The following PCDH17 variants were observed in gnomAD, a reference collection of about 807,000 sequenced individuals.
The protein encoded by PCDH17 is protocadherin-17.
A neutral mutation model predicts 67.7 loss-of-function variants in PCDH17; 21 were observed. The observed-to-expected ratio is 0.31, with a 90% CI of 0.22 to 0.45. PCDH17 has a LOEUF of 0.45. Among genes scored for constraint, PCDH17 ranks in the 20% least tolerant of loss-of-function variants. The probability of loss-of-function intolerance (pLI) is 1.00; values close to 1 mark genes in which losing one functional copy is unlikely to be tolerated. For missense variants in PCDH17, 1,471 were observed against 1,564.8 expected (o/e 0.94, Z 1.01); for synonymous variants, 701 against 656.7 (o/e 1.07, Z -1.03).
intron 3 of PCDH17, among the ~76,000 whole-genome samples, chr13:57,684,286 A>T (rs763157591): frequency 6.6e-6 from 1 of 151,904 alleles, no homozygotes; most frequent in Non-Finnish European, 1.5e-5. Flanking sequence ...TCTATACTTG[A>T]TTACTAAATA....
In PCDH17 at chr13:57,633,402, GTGCC is replaced by G. The variant is rs1566212696; in HGVS notation, c.859_862del (p.Pro287ThrfsTer15). 1 of 1,613,376 alleles carries G rather than the reference GTGCC, an allele frequency of 6.2e-7. No individual in the cohort carries two copies. Among genetic ancestry groups the G allele is most frequent in the East Asian group, 2.2e-5 (1 of 44,854 alleles). On this transcript the variant is annotated frameshift_variant, in exon 1 of 4. Coordinates refer to ENST00000377918, the MANE Select transcript of PCDH17 (RefSeq NM_001040429.3). LOFTEE classifies it high-confidence loss of function. The surrounding 1 kb of genome is among the most constrained non-coding windows in gnomAD (Gnocchi z 6.2). ...AGTGCTCTACTCTTTCAGCAGCTAC[GTGCC>G]TGACCGCGTGCGGGAGCTCTTCTCC...
chr13:57,693,315 CATATATATAT>C (rs59643529), intron 3 of PCDH17, among the ~76,000 whole-genome samples: 14 of 89,360 alleles, frequency 1.6e-4, no homozygotes, highest in African/African-American at 2.2e-4. Context: ...CACTTACATT[CATATATATAT>C]ATATATATAT....
At chr13:57,645,004 G>C (rs1477518868) in intron 1 of PCDH17, among the ~76,000 whole-genome samples, 2 of 151,576 alleles carry the variant, frequency 1.3e-5, no homozygotes, top group Non-Finnish European at 3.0e-5. Context: ...ATGTTGCCTA[G>C]GGATTTTAAA....
intron 1 of PCDH17, among the ~76,000 whole-genome samples, chr13:57,642,142 C>A (rs1954914146): frequency 6.6e-6 from 1 of 151,400 alleles, no homozygotes; most frequent in African/African-American, 2.4e-5. Context: ...ATTTTGTAAA[C>A]TTCTGTTTGA....
rs1184014326 is a variant in PCDH17, at chr13:57,633,570, A to G, written c.1024A>G (p.Ile342Val). The G allele has an allele frequency of 1.2e-6, 2 of 1,609,610 alleles. No individual in the cohort carries two copies. The highest frequency in any genetic ancestry group is 1.7e-6 in the Non-Finnish European group (2 of 1,176,600). Reference protein sequence around the residue: ...PAHCKVTVKLIDRNDNAPSIG... With the variant: ...PAHCKVTVKLVDRNDNAPSIG... ...CCACTGCAAAGTCACGGTCAAGCTCATCGACCGCAACGACAATGCGCCGTC... is the reference window on the plus strand; with the variant it reads ...CCACTGCAAAGTCACGGTCAAGCTCGTCGACCGCAACGACAATGCGCCGTC... Residue 342 changes from isoleucine to valine, a missense_variant, in exon 1 of 4, where the codon ATC becomes GTC. Physicochemically the swap from Ile to Val is conservative, Grantham distance 29. Transcript: ENST00000377918. This position sits in a 1 kb window ranked among gnomAD's most constrained non-coding sequence, Gnocchi z 6.2.
chr13:57,691,643 T>C (rs1004564762), intron 3 of PCDH17, among the ~76,000 whole-genome samples: 8 of 151,442 alleles, frequency 5.3e-5, no homozygotes, highest in African/African-American at 1.9e-4. Flanking sequence ...TACACATCAA[T>C]TAAAAATTTA....
At chr13:57,694,273 C>T (rs895468578) in intron 3 of PCDH17, among the ~76,000 whole-genome samples, 2 of 151,068 alleles carry the variant, frequency 1.3e-5, no homozygotes, top group Non-Finnish European at 3.0e-5. Context: ...AGTTTTGGAG[C>T]ACAATAAAAT....
chr13:57,664,529 C>T (rs947081033), intron 1 of PCDH17, among the ~76,000 whole-genome samples: 5 of 152,096 alleles, frequency 3.3e-5, no homozygotes, highest in South Asian at 4.1e-4. Flanking sequence ...TGTGTCTAAA[C>T]GAATAGGGAT....
At chr13:57,671,554 T>G (rs1189130308) in intron 3 of PCDH17, among the ~76,000 whole-genome samples, 1 of 152,044 alleles carries the variant, frequency 6.6e-6, no homozygotes, top group Non-Finnish European at 1.5e-5. Flanking sequence ...AGAAGCCCTG[T>G]AAATTATTTT....
Position 57,725,272 on chromosome 13 carries a change from A to G in PCDH17, c.3458A>G (p.Asp1153Gly), listed in dbSNP as rs758288834. ...CTTTTGCAAGACTGCCGGGGAAACG[A>G]CCCTGTGGCTGTGAGAAAGTGAAAA... ...DKLLQDCRGNDPVAVRK is the reference protein window; with the variant it reads ...DKLLQDCRGNGPVAVRK The change falls in exon 4 of 4, where the codon GAC becomes GGC. Residue 1153 changes from aspartate to glycine, a missense_variant. Coordinates refer to ENST00000377918, the MANE Select transcript of PCDH17 (RefSeq NM_001040429.3). 6.3e-7 allele frequency: 1 copy of G among 1,597,584 alleles called. No homozygotes were observed. The highest frequency in any genetic ancestry group is 1.1e-5 in the South Asian group (1 of 89,560).
In PCDH17 at chr13:57,725,889, C is replaced by T. The variant is rs1045474010; in HGVS notation, c.*595C>T. 1.2e-4 allele frequency: 18 copies of T among 152,138 alleles called. No individual in the cohort carries two copies. Among genetic ancestry groups the T allele is most frequent in the African/African-American group, 4.4e-4 (18 of 41,272 alleles). The allele number at this position is 152,138 out of a possible 1,614,324, so 9.4% of individuals were successfully genotyped here. The stretch of plus-strand genomic sequence containing the variant: ...ACACATATAAACACAAGGAACATTC[C>T]ATATCATTAGTCGAAAACAAAAACA... On this transcript the variant is annotated 3_prime_UTR_variant, in exon 4 of 4. Transcript: ENST00000377918.
At chr13:57,638,150 A>G (rs1954847261) in intron 1 of PCDH17, among the ~76,000 whole-genome samples, 1 of 152,146 alleles carries the variant, frequency 6.6e-6, no homozygotes, top group African/African-American at 2.4e-5. Flanking sequence ...ATAGGAGCAC[A>G]GGTTTTGTAG....
chr13:57,632,635 G>A lies in PCDH17; in HGVS notation c.89G>A (p.Gly30Glu). ...AACTACTCCGTGCCGGAGGAGCAAG[G>A]GGCCGGCACGGTGATCGGGAACATC... The part of the protein sequence containing the change: ...NLNYSVPEEQ[G>E]AGTVIGNIGR... The change falls in exon 1 of 4, where the codon GGG becomes GAG. Residue 30 changes from glycine (G) to glutamate (E), a missense_variant. Physicochemically the swap from Gly to Glu is moderately conservative, Grantham distance 98 (BLOSUM62 -2). This residue lies in a region of PCDH17 where 1,163 missense variants were observed against 1,230.0 expected (regional missense o/e 0.95). Transcript: ENST00000377918. 1 of 1,613,406 alleles carries A rather than the reference G, an allele frequency of 6.2e-7. No individual in the cohort carries two copies. The highest frequency in any genetic ancestry group is 8.5e-7 in the Non-Finnish European group (1 of 1,179,980).
In PCDH17 at chr13:57,724,725, A is replaced by C. The variant is rs372830997; in HGVS notation, c.2911A>C (p.Thr971Pro). 7.4e-6 allele frequency: 12 copies of C among 1,614,144 alleles called. No individual in the cohort carries two copies. Among genetic ancestry groups the C allele is most frequent in the Non-Finnish European group, 9.3e-6 (11 of 1,180,016 alleles). Residue 971 changes from threonine to proline, a missense_variant, in exon 4 of 4, where the codon ACA becomes CCA. Thr to Pro is a conservative substitution (Grantham distance 38). Coordinates refer to ENST00000377918, the MANE Select transcript of PCDH17 (RefSeq NM_001040429.3). ...TCAGGCTGAAAATGCAGATTACCGC[A>C]CAAATCTCTTTGTACCTACAGTTGA... ...ANQAENADYR[T>P]NLFVPTVEAN... is the part of the protein sequence containing the mutation.
At chr13:57,677,804 T>C (rs1192724793) in intron 3 of PCDH17, among the ~76,000 whole-genome samples, 1 of 151,756 alleles carries the variant, frequency 6.6e-6, no homozygotes, top group Non-Finnish European at 1.5e-5. Flanking sequence ...GCACAGAAAC[T>C]CAAATACTGC....
intron 1 of PCDH17, among the ~76,000 whole-genome samples, chr13:57,642,638 C>A (rs1280002138): frequency 6.6e-6 from 1 of 151,296 alleles, no homozygotes; most frequent in African/African-American, 2.4e-5. Context: ...CTAGGATTTC[C>A]ACCTAAATAC....
intron 3 of PCDH17, among the ~76,000 whole-genome samples, chr13:57,669,483 A>G (rs183612927): frequency 1.3e-5 from 2 of 150,780 alleles, no homozygotes; most frequent in Admixed American, 1.3e-4. Flanking sequence ...CTCTTTATCT[A>G]TCTTTTTTGT....
chr13:57,678,002 A>G (rs535370178), intron 3 of PCDH17, among the ~76,000 whole-genome samples: 11 of 151,876 alleles, frequency 7.2e-5, no homozygotes, highest in Admixed American at 2.6e-4. Flanking sequence ...CATGGTGACT[A>G]TGGTTAAAGA....
chr13:57,678,701 G>A (rs1267876583), intron 3 of PCDH17, among the ~76,000 whole-genome samples: 1 of 151,414 alleles, frequency 6.6e-6, no homozygotes, highest in Non-Finnish European at 1.5e-5. Flanking sequence ...TCTACCACAA[G>A]GTGCACATGC....
Sources: allele counts gnomAD v4.1 joint callset (sites outside exome capture counted in the v4.1 genomes callset), GRCh38; gene constraint gnomAD v4.1.1; regional missense constraint gnomAD v4.1.1; non-coding constraint Gnocchi (gnomAD v3.1); transcripts MANE v1.5; gene names NCBI Gene and HGNC (gene_info 2026-07-23, HGNC 2026-07-21).